Variants in APEH observed in about 807,000 individuals in gnomAD.
APEH encodes the protein acylaminoacyl-peptide hydrolase, also known as acylamino-acid-releasing enzyme.
In APEH, 75 loss-of-function variants were observed where a neutral mutation model predicts 102.7. The ratio of observed to expected loss-of-function variants is 0.73; its 90% CI spans 0.61 to 0.89. The LOEUF (loss-of-function observed/expected upper bound fraction) is 0.89. Among genes scored for constraint, APEH ranks in the 40% least tolerant of loss-of-function variants. The probability of loss-of-function intolerance (pLI) is 0.00; values close to 1 mark genes in which losing one functional copy is unlikely to be tolerated. For missense variants in APEH, 863 were observed against 941.2 expected (o/e 0.92, Z 1.09); for synonymous variants, 344 against 362.7 (o/e 0.95, Z 0.59).
intron 3 of APEH, 47 bp from the exon 4 acceptor site, chr3:49,675,646 AG>A: frequency 6.5e-7 from 1 of 1,527,852 alleles, no homozygotes; most frequent in Non-Finnish European, 9.1e-7. Context: ...GGGAGCAGGA[AG>A]GGGTTATTGC....
chr3:49,683,918 T>C lies in APEH; in HGVS notation c.*576T>C. 1 of 1,497,712 alleles carries C rather than the reference T, an allele frequency of 6.7e-7. No homozygotes were observed. Among genetic ancestry groups the C allele is most frequent in the Non-Finnish European group, 9.0e-7 (1 of 1,116,612 alleles). The allele number at this position is 1,497,712 out of a possible 1,614,324, so 92.8% of individuals were successfully genotyped here. On this transcript the variant is annotated 3_prime_UTR_variant, in exon 22 of 22. Coordinates refer to ENST00000296456, the MANE Select transcript of APEH (RefSeq NM_001640.4). ...CCTAGCAAGGAGTCACTGACACATT[T>C]CCTGGAAGCAAAGGCTAAGAAGCAT...
In APEH at chr3:49,682,616, A is replaced by G. The variant is rs1275420861; in HGVS notation, c.1763A>G (p.His588Arg). The G allele has an allele frequency of 1.2e-6, 2 of 1,614,130 alleles. No homozygotes were observed. Among genetic ancestry groups the G allele is most frequent in the Non-Finnish European group, 1.7e-6 (2 of 1,180,032 alleles). ...ASHVALMGGSHGGFISCHLIG... is the reference protein window; with the variant it reads ...ASHVALMGGSRGGFISCHLIG... The stretch of plus-strand genomic sequence containing the variant: ...CATGTGGCCCTTATGGGTGGTTCCC[A>G]TGGTGGCTTCATTTCCTGCCACTTG... Residue 588 changes from histidine to arginine, a missense_variant, in exon 19 of 22, where the codon CAT becomes CGT. Transcript: ENST00000296456.
chr3:49,676,420 G>C lies in APEH; in HGVS notation c.649G>C (p.Val217Leu). The C allele has an allele frequency of 6.2e-7, 1 of 1,614,236 alleles. No individual in the cohort carries two copies. Reference protein sequence around the residue: ...VFYEDWGENMVSKSIPVLCVL... With the variant: ...VFYEDWGENMLSKSIPVLCVL... ...TTATGAAGACTGGGGAGAAAACATG[G>C]TTTCCAAAAGCATCCCTGTGCTCTG... The change falls in exon 7 of 22, where the codon GTT becomes CTT. Residue 217 changes from valine (V) to leucine (L), a missense_variant. Val to Leu is a conservative substitution (Grantham distance 32). Coordinates refer to ENST00000296456, the MANE Select transcript of APEH (RefSeq NM_001640.4).
intron 21 of APEH, 42 bp from the exon 22 acceptor site, chr3:49,683,195 G>A: frequency 6.2e-7 from 1 of 1,610,110 alleles, no homozygotes; most frequent in Non-Finnish European, 8.5e-7. Flanking sequence ...GTGAGCACAG[G>A]AGGACCCTCC....
At chr3:49,681,845 T>A in intron 16 of APEH, 40 bp downstream of exon 16, 1 of 1,610,092 alleles carries the variant, frequency 6.2e-7, no homozygotes, top group Non-Finnish European at 8.5e-7. Context: ...CTCCCAGCCC[T>A]CTTCCTAGCT....
At chr3:49,675,818 A>G (rs951638197) in intron 4 of APEH, 31 bp downstream of exon 4, 2 of 1,612,904 alleles carry the variant, frequency 1.2e-6, no homozygotes, top group Admixed American at 1.7e-5. Context: ...GTAGTGGGTG[A>G]CAAGAGAGAG....
intron 13 of APEH, chr3:49,680,303 T>A: frequency 2.0e-6 from 1 of 501,742 alleles, no homozygotes; most frequent in Admixed American, 3.2e-5. Flanking sequence ...GCCTGCATGG[T>A]CTGATGTGTC....
Position 49,682,638 on chromosome 3 carries a change from CTTGA to C in APEH, c.1789_1792del (p.Ile597ValfsTer16). The C allele has an allele frequency of 6.2e-7, 1 of 1,614,128 alleles. No homozygotes were observed. The highest frequency in any genetic ancestry group is 8.5e-7 in the Non-Finnish European group (1 of 1,180,050). On this transcript the variant is annotated frameshift_variant, in exon 19 of 22. Coordinates refer to ENST00000296456, the MANE Select transcript of APEH (RefSeq NM_001640.4). LOFTEE classifies it high-confidence loss of function. ...CCCATGGTGGCTTCATTTCCTGCCA[CTTGA>C]TTGGTCAGTACCCAGAGACCTACAG...
At position 49,681,890 on chromosome 3, in the gene APEH, G is replaced by T; in HGVS notation, c.1526G>T (p.Gly509Val). 6.2e-7 allele frequency: 1 copy of T among 1,614,128 alleles called. No homozygotes were observed. The highest frequency in any genetic ancestry group is 1.1e-5 in the South Asian group (1 of 91,086). Residue 509 changes from glycine (G) to valine (V), a missense_variant, in exon 17 of 22, where the codon GGG becomes GTG. Coordinates refer to ENST00000296456, the MANE Select transcript of APEH (RefSeq NM_001640.4). ...QVPMVVMPHG[G>V]PHSSFVTAWM... ...ACCCTCCGCTCCCTGTCTGCAGGGGGGCCCCATTCATCCTTTGTCACTGCC... is the reference window on the plus strand; with the variant it reads ...ACCCTCCGCTCCCTGTCTGCAGGGGTGCCCCATTCATCCTTTGTCACTGCC...
At position 49,683,748 on chromosome 3, in the gene APEH, T is replaced by C. The variant is rs1183653855; in HGVS notation, c.*406T>C. 3.9e-6 allele frequency: 2 copies of C among 508,076 alleles called. No homozygotes were observed. The highest frequency in any genetic ancestry group is 2.3e-5 in the South Asian group (1 of 42,880). 31.5% of individuals were successfully genotyped at this position (508,076 alleles called of 1,614,324 possible). A position where few individuals can be genotyped will look rare whatever the true frequency, so the allele number is the denominator to read the frequency against. Reference sequence around the variant, plus strand: ...TACTCTGTACCACCCTTCCCAAGAGTATGTCTGGAGGACTAGTGTGAGGCC... The same window carrying C: ...TACTCTGTACCACCCTTCCCAAGAGCATGTCTGGAGGACTAGTGTGAGGCC... On this transcript the variant is annotated 3_prime_UTR_variant, in exon 22 of 22. Coordinates refer to ENST00000296456, the MANE Select transcript of APEH (RefSeq NM_001640.4).
chr3:49,676,134 A>T lies in APEH; in HGVS notation c.521A>T (p.Glu174Val), dbSNP rs1420391595. ...GCAGAGAAGAAGCGCCCCAAGGCCG[A>T]GTCCTTCTTTCAGACCAAAGCCTTG... ...YVAEKKRPKA[E>V]SFFQTKALDV... The change falls in exon 6 of 22, where the codon GAG (glutamate) becomes GTG (valine). Residue 174 changes from glutamate (E) to valine (V), a missense_variant. Coordinates refer to ENST00000296456, the MANE Select transcript of APEH (RefSeq NM_001640.4). 6.2e-7 allele frequency: 1 copy of T among 1,614,212 alleles called. No homozygotes were observed. Among genetic ancestry groups the T allele is most frequent in the East Asian group, 2.2e-5 (1 of 44,884 alleles).
intron 2 of APEH, among the ~76,000 whole-genome samples, 190 bp from the exon 3 acceptor site, chr3:49,674,993 C>T (rs2052957945): frequency 6.6e-6 from 1 of 152,188 alleles, no homozygotes; most frequent in Non-Finnish European, 1.5e-5. Flanking sequence ...AGGCTGTCAG[C>T]TCAGGCTCTG....
rs768298990 is a variant in APEH at position 49,682,330 on chromosome 3, G to T, written c.1604-18G>T. 6.2e-7 allele frequency: 1 copy of T among 1,603,086 alleles called. No individual in the cohort carries two copies. The highest frequency in any genetic ancestry group is 1.7e-5 in the Admixed American group (1 of 59,624). Reference sequence around the variant, plus strand: ...GAATGTTGCCTGACTACACTGTCTGGTCCCTCCCTGCCCTCAGTGAACTAT... The same window carrying T: ...GAATGTTGCCTGACTACACTGTCTGTTCCCTCCCTGCCCTCAGTGAACTAT... On this transcript the variant is annotated intron_variant, in intron 17 of 21. Transcript: ENST00000296456.
chr3:49,676,802 A>T lies in APEH; in HGVS notation c.862A>T (p.Ile288Phe), dbSNP rs773034464. The change falls in exon 9 of 22, where the codon ATC (isoleucine) becomes TTC (phenylalanine). Residue 288 changes from isoleucine (I) to phenylalanine (F), a missense_variant. By Grantham distance (21) the Ile-to-Phe change is conservative. Coordinates refer to ENST00000296456, the MANE Select transcript of APEH (RefSeq NM_001640.4). ...GTCAGCCCTGTATTATGTGGACCTC[A>T]TCGGGGGGAAGTGTGGTAAGTGGCT... Reference protein sequence around the residue: ...RRSALYYVDLIGGKCELLSDD... With the variant: ...RRSALYYVDLFGGKCELLSDD... 2.5e-5 allele frequency: 40 copies of T among 1,614,116 alleles called. No individual in the cohort carries two copies. In the East Asian group the frequency reaches 8.5e-4, roughly 34 times the overall value.
Position 49,683,526 on chromosome 3 carries a change from G to A in APEH, c.*184G>A, listed in dbSNP as rs72936033. 1 of 602,422 alleles carries A rather than the reference G, an allele frequency of 1.7e-6. No homozygotes were observed. Among genetic ancestry groups the A allele is most frequent in the African/African-American group, 1.9e-5 (1 of 54,026 alleles). The allele number at this position is 602,422 out of a possible 1,614,324, so 37.3% of individuals were successfully genotyped here. ...AGAGCCTGGTTCCTGCTGGTACTTT[G>A]TACCAAACCATCCCCAACCCCACCT... On this transcript the variant is annotated 3_prime_UTR_variant, in exon 22 of 22. Transcript: ENST00000296456.
chr3:49,675,315 T>C lies in APEH; in HGVS notation c.272+6T>C. 6.2e-7 allele frequency: 1 copy of C among 1,613,332 alleles called. No individual in the cohort carries two copies. Among genetic ancestry groups the C allele is most frequent in the Non-Finnish European group, 8.5e-7 (1 of 1,179,726 alleles). On this transcript the variant is annotated splice_donor_region_variant and intron_variant, in intron 3 of 21. Coordinates refer to ENST00000296456, the MANE Select transcript of APEH (RefSeq NM_001640.4). ...AGTGTGGAGACCCGGGGGGAGTAAG[T>C]TTGAGGGAGGAAGCTTGTGGGCAAG...
At position 49,675,637 on chromosome 3, in the gene APEH, G is replaced by A. The variant is rs1575465011; in HGVS notation, c.273-57G>A. 9 of 1,495,162 alleles carry A rather than the reference G, an allele frequency of 6.0e-6. No homozygotes were observed. In the East Asian group the frequency reaches 9.0e-5, roughly 15 times the overall value. The allele number at this position is 1,495,162 out of a possible 1,614,324, so 92.6% of individuals were successfully genotyped here. A position where few individuals can be genotyped will look rare whatever the true frequency, so the allele number is the denominator to read the frequency against. ...CTCTCCTAAGAGGTGTGCCCAGTAGGGAGCAGGAAGGGGTTATTGCAAGAT... is the reference window on the plus strand; with the variant it reads ...CTCTCCTAAGAGGTGTGCCCAGTAGAGAGCAGGAAGGGGTTATTGCAAGAT... On this transcript the variant is annotated intron_variant, in intron 3 of 21. Transcript: ENST00000296456.
rs779896956 is a variant in APEH, at chr3:49,675,889, A to G, written c.367-2A>G. 8 of 1,614,160 alleles carry G rather than the reference A, an allele frequency of 5.0e-6. No homozygotes were observed. Among genetic ancestry groups the G allele is most frequent in the Non-Finnish European group, 5.9e-6 (7 of 1,180,010 alleles). On this transcript the variant is annotated splice_acceptor_variant, in intron 4 of 21. Transcript: ENST00000296456. LOFTEE classifies it high-confidence loss of function. ...AACAGCCTAATGCCCAGATGTCCTC[A>G]GGTCTGGGAGAAGAACCGGAAGCTC... is the stretch of plus-strand genomic sequence containing the variant.
chr3:49,676,886 G>A lies in APEH; in HGVS notation c.878-17G>A. On this transcript the variant is annotated splice_polypyrimidine_tract_variant and intron_variant, in intron 9 of 21. Transcript: ENST00000296456. Reference sequence around the variant, plus strand: ...CCCTGCCAGCCTGCGTGATGCTCATGTTTCCATCTGGCCCAGAGCTCCTCT... The same window carrying A: ...CCCTGCCAGCCTGCGTGATGCTCATATTTCCATCTGGCCCAGAGCTCCTCT... The A allele has an allele frequency of 3.7e-6, 6 of 1,614,234 alleles. No homozygotes were observed. Among genetic ancestry groups the A allele is most frequent in the Non-Finnish European group, 5.1e-6 (6 of 1,180,044 alleles).
Sources: gnomAD v4.1 joint callset for allele counts (sites outside exome capture counted in the v4.1 genomes callset) on GRCh38, gnomAD v4.1.1 for gene constraint, MANE v1.5 for transcripts, NCBI Gene and HGNC (gene_info 2026-07-23, HGNC 2026-07-21) for gene names.